PALLD: variants seen among roughly 807,000 people sequenced by gnomAD.
PALLD encodes palladin, cytoskeletal associated protein, also known as palladin.
Under a neutral mutation model 123.5 loss-of-function variants are expected in PALLD, and 61 were observed. The ratio of observed to expected loss-of-function variants is 0.49; its 90% confidence interval spans 0.40 to 0.61. PALLD has a LOEUF of 0.61. PALLD is among the 20% of genes least tolerant of loss of function. The pLI is 0.00. For synonymous variants in PALLD, 465 were observed against 496.4 expected (o/e 0.94, Z 0.84); for missense variants, 1,273 against 1,377.0 (o/e 0.92, Z 1.20).
chr4:168,926,719 A>G lies in PALLD; in HGVS notation c.*539A>G, dbSNP rs561365415. 9.5e-6 allele frequency: 3 copies of G among 316,922 alleles called. No individual in the cohort carries two copies. The highest frequency in any genetic ancestry group is 6.3e-5 in the African/African-American group (3 of 47,394). 19.6% of individuals were successfully genotyped at this position (316,922 alleles called of 1,614,324 possible). ...TTGTATTATCTACAAGTGCCTTTAA[A>G]CACAAGATATAGGTGCTGTGTAGCC... On this transcript the variant is annotated 3_prime_UTR_variant, in exon 22 of 22. Transcript: ENST00000505667.
chr4:168,876,397 C>T (rs979450263), intron 10 of PALLD, among the ~76,000 whole-genome samples: 1 of 152,222 alleles, frequency 6.6e-6, no homozygotes, highest in African/African-American at 2.4e-5. Flanking sequence ...TTTTAAAACA[C>T]TCAAGTTCAA....
chr4:168,711,250 C>CAAAG (rs1198633367), intron 9 of PALLD, among the ~76,000 whole-genome samples: 1 of 152,178 alleles, frequency 6.6e-6, no homozygotes. Context: ...CGTGAGAGGA[C>CAAAG]AAAGCATTGT....
intron 8 of PALLD, among the ~76,000 whole-genome samples, chr4:168,697,570 C>T (rs933101945): frequency 1.3e-5 from 2 of 152,198 alleles, no homozygotes; most frequent in African/African-American, 2.4e-5. Flanking sequence ...CTCATGTCTA[C>T]TTGGGCTGTC....
intron 10 of PALLD, among the ~76,000 whole-genome samples, chr4:168,847,456 T>C (rs1299662612): frequency 5.3e-5 from 8 of 152,234 alleles, no homozygotes; most frequent in Non-Finnish European, 8.8e-5. Context: ...AAAATGTGCA[T>C]ATGCTTCATC....
At chr4:168,606,067 C>T (rs993229132) in intron 2 of PALLD, among the ~76,000 whole-genome samples, 1 of 152,060 alleles carries the variant, frequency 6.6e-6, no homozygotes, top group African/African-American at 2.4e-5. Context: ...ATAAGTAGTC[C>T]TCTTTCTCTG....
chr4:168,774,626 A>C (rs1200078596), intron 10 of PALLD, among the ~76,000 whole-genome samples: 2 of 150,176 alleles, frequency 1.3e-5, no homozygotes, highest in Non-Finnish European at 3.0e-5. Context: ...TACTTGAGGC[A>C]CTAAGGCATG....
At chr4:168,555,802 A>G in intron 2 of PALLD, among the ~76,000 whole-genome samples, 1 of 152,196 alleles carries the variant, frequency 6.6e-6, no homozygotes, top group Non-Finnish European at 1.5e-5. Flanking sequence ...ATCATGGCCC[A>G]TCTTGACACC....
chr4:168,650,798 C>T (rs1777963590), intron 2 of PALLD, among the ~76,000 whole-genome samples: 1 of 152,170 alleles, frequency 6.6e-6, no homozygotes, highest in Non-Finnish European at 1.5e-5. Context: ...CTGCCACCAT[C>T]TCCACCAAGA....
intron 10 of PALLD, among the ~76,000 whole-genome samples, chr4:168,878,612 C>G (rs965485222): frequency 4.0e-5 from 6 of 151,286 alleles, no homozygotes; most frequent in African/African-American, 1.5e-4. Flanking sequence ...AGAACTTTTT[C>G]CTCTGAATTA....
In PALLD at chr4:168,678,217, A is replaced by G. The variant is rs113836863; in HGVS notation, c.1088-3115A>G. Among the ~76,000 whole-genome samples the G allele has an allele frequency of 1.9e-3, 285 of 152,160 alleles. 1 individual carries two copies. The highest frequency in any genetic ancestry group is 6.2e-3 in the African/African-American group (258 of 41,530). On this transcript the variant is annotated intron_variant, in intron 3 of 21. Transcript: ENST00000505667. ...CTGCTTTCTAGTTATGTGACCTTCA[A>G]TTACTTCACCTCTTGGTTCCTTGGT...
intron 2 of PALLD, among the ~76,000 whole-genome samples, chr4:168,639,765 C>T (rs537167032): frequency 1.4e-3 from 219 of 152,128 alleles, no homozygotes; most frequent in South Asian, 2.5e-3. Context: ...AGGATGGTCT[C>T]GATCTTCTGA....
intron 10 of PALLD, among the ~76,000 whole-genome samples, chr4:168,819,194 C>G (rs1742373992): frequency 6.6e-6 from 1 of 152,126 alleles, no homozygotes. Flanking sequence ...ACTGATTTGA[C>G]TTGTCAATTA....
chr4:168,925,047 T>C lies in PALLD; in HGVS notation c.3327T>C (p.Ile1109=). 6.2e-7 allele frequency: 1 copy of C among 1,614,144 alleles called. No individual in the cohort carries two copies. The highest frequency in any genetic ancestry group is 8.5e-7 in the Non-Finnish European group (1 of 1,179,988). Residue 1109 remains isoleucine (I), a synonymous_variant, in exon 20 of 22, where the codon ATT becomes ATC. Transcript: ENST00000505667. ...YTVSAKNEAG[I]VSCTARLDVY... is the part of the protein sequence containing the mutation. Reference sequence around the variant, plus strand: ...TGTCAGCCAAGAATGAAGCAGGGATTGTGTCCTGTACTGCCAGGCTGGACG... The same window carrying C: ...TGTCAGCCAAGAATGAAGCAGGGATCGTGTCCTGTACTGCCAGGCTGGACG...
At chr4:168,784,550 C>T (rs954867419) in intron 10 of PALLD, among the ~76,000 whole-genome samples, 4 of 152,112 alleles carry the variant, frequency 2.6e-5, no homozygotes, top group African/African-American at 9.7e-5. Context: ...TAGAGATGGA[C>T]ACTTGGGAAC....
At chr4:168,626,067 T>C (rs191151401) in intron 2 of PALLD, among the ~76,000 whole-genome samples, 51 of 149,914 alleles carry the variant, frequency 3.4e-4, no homozygotes, top group African/African-American at 1.1e-3. Flanking sequence ...ATCGAGACCA[T>C]CCTGGCTAAC....
chr4:168,599,492 A>G (rs1772326668), intron 2 of PALLD, among the ~76,000 whole-genome samples: 1 of 152,132 alleles, frequency 6.6e-6, no homozygotes, highest in African/African-American at 2.4e-5. Flanking sequence ...ATTTTGTACA[A>G]AAATATTCAA....
rs185646548 is a variant in PALLD, at chr4:168,927,174, A to G, written c.*994A>G. The G allele has an allele frequency of 1.7e-4, 40 of 229,774 alleles. 2 individuals carry two copies. The East Asian group carries it at 2.3e-3, about 13-fold the overall frequency. The allele number at this position is 229,774 out of a possible 1,614,324, so 14.2% of individuals were successfully genotyped here. ...CAAACCACCCAAATGACCAAGGCATATATAGTATTTGGAGGAATCAGGGGT... is the reference window on the plus strand; with the variant it reads ...CAAACCACCCAAATGACCAAGGCATGTATAGTATTTGGAGGAATCAGGGGT... On this transcript the variant is annotated 3_prime_UTR_variant, in exon 22 of 22. Coordinates refer to ENST00000505667, the MANE Select transcript of PALLD (RefSeq NM_001166108.2).
chr4:168,746,700 T>G (rs1027340986), intron 10 of PALLD, among the ~76,000 whole-genome samples: 3 of 152,156 alleles, frequency 2.0e-5, no homozygotes, highest in Admixed American at 6.5e-5. Flanking sequence ...TAGACATTCA[T>G]TCCCAGAACT....
intron 2 of PALLD, among the ~76,000 whole-genome samples, chr4:168,612,934 C>T (rs1001427964): frequency 6.6e-6 from 1 of 152,138 alleles, no homozygotes; most frequent in Admixed American, 6.5e-5. Flanking sequence ...TGGACTATGC[C>T]CTCACTGGAT....
Sources: gnomAD v4.1 joint callset for allele counts (sites outside exome capture counted in the v4.1 genomes callset) on GRCh38, gnomAD v4.1.1 for gene constraint, MANE v1.5 for transcripts, NCBI Gene and HGNC (gene_info 2026-07-23, HGNC 2026-07-21) for gene names.